C11orf21: variants seen among roughly 807,000 people sequenced by gnomAD.
C11orf21 encodes the protein uncharacterized protein C11orf21.
A neutral mutation model predicts 15.2 loss-of-function variants in C11orf21; 19 were observed. The observed-to-expected ratio is 1.25, with a 90% confidence interval of 0.87 to 1.84. C11orf21 has a LOEUF of 1.84. C11orf21 is among the 40% of genes most tolerant of loss of function. C11orf21 has a pLI of 0.00. For missense variants in C11orf21, 171 were observed against 174.4 expected, an observed-to-expected ratio of 0.98 and a Z score of 0.11; for synonymous variants, 62 against 66.8, an observed-to-expected ratio of 0.93 and a Z score of 0.35.
Position 2,300,835 on chromosome 11 carries a change from C to T in C11orf21, c.54-222G>A, listed in dbSNP as rs1847707086. On this transcript the variant is annotated intron_variant, in intron 1 of 3. Coordinates refer to ENST00000381153, the MANE Select transcript of C11orf21 (RefSeq NM_001329958.2). ...CTGGAGAGGACGGGCTGCCCACTTG[C>T]ACAGCCCGGGGGCCTCCTGCCCCTA... 2.7e-6 allele frequency: 4 copies of T among 1,467,018 alleles called. No homozygotes were observed. The South Asian group carries it at 3.7e-5, about 13-fold the overall frequency. 90.9% of individuals were successfully genotyped at this position (1,467,018 alleles called of 1,614,324 possible). A position where few individuals can be genotyped will look rare whatever the true frequency, so the allele number is the denominator to read the frequency against.
rs1371783329 is a variant in C11orf21, at chr11:2,296,533, C to G, written c.*1417G>C. On this transcript the variant is annotated 3_prime_UTR_variant, in exon 4 of 4. Coordinates refer to ENST00000381153, the MANE Select transcript of C11orf21 (RefSeq NM_001329958.2). The surrounding 1 kb of genome is among the most constrained non-coding windows in gnomAD (Gnocchi z 5.6). ...GATGATCCCCCTTTCCACTAGCCAC[C>G]CCAGCAAATGGCTGCAGGTCCCTGA... is the stretch of plus-strand genomic sequence containing the variant. 6.6e-6 allele frequency: 1 copy of G among 152,258 alleles called. No individual in the cohort carries two copies. The highest frequency in any genetic ancestry group is 2.4e-5 in the African/African-American group (1 of 41,438). 9.4% of individuals were successfully genotyped at this position (152,258 alleles called of 1,614,324 possible). A position where few individuals can be genotyped will look rare whatever the true frequency, so the allele number is the denominator to read the frequency against.
chr11:2,301,680 C>T (rs1564952297), intron 1 of C11orf21, 76 bp downstream of exon 1: 4 of 1,195,094 alleles, frequency 3.3e-6, no homozygotes, highest in East Asian at 2.5e-5. Context: ...CCAAGGAGAC[C>T]CCATCCAAAT....
chr11:2,299,334 T>C, intron 3 of C11orf21, 94 bp downstream of exon 3: 1 of 1,328,012 alleles, frequency 7.5e-7, no homozygotes, highest in East Asian at 2.5e-5. Context: ...GTGACGCAGG[T>C]GGGAAGCTCT....
upstream of C11orf21, chr11:2,302,894 C>T (rs1263801697): frequency 3.1e-6 from 5 of 1,613,600 alleles, no homozygotes; most frequent in East Asian, 8.9e-5. Context: ...ACTTCGGGGC[C>T]CACTTTGCTG....
rs1371885513 is a variant in C11orf21, at chr11:2,299,727, T to G, written c.148-20A>C. 6.5e-7 allele frequency: 1 copy of G among 1,549,194 alleles called. No homozygotes were observed. Among genetic ancestry groups the G allele is most frequent in the Non-Finnish European group, 8.7e-7 (1 of 1,145,694 alleles). On this transcript the variant is annotated intron_variant, in intron 2 of 3. Transcript: ENST00000381153. ...GGCCTCCTGGTGGGTAAGGACATTG[T>G]AGAGTGAGCGGGCGCACCTGGGACC...
At position 2,299,613 on chromosome 11, in the gene C11orf21, T is replaced by C. The variant is rs1335967977; in HGVS notation, c.242A>G (p.His81Arg). 3 of 1,551,052 alleles carry C rather than the reference T, an allele frequency of 1.9e-6. No homozygotes were observed. The highest frequency in any genetic ancestry group is 2.6e-6 in the Non-Finnish European group (3 of 1,146,944). ...PPATAHEPVDHPALHWLACCC... is the reference protein window; with the variant it reads ...PPATAHEPVDRPALHWLACCC... ...GCAGGCAAGCCAGTGCAGAGCTGGGTGATCCACAGGTTCATGAGCGGTGGC... is the reference window on the plus strand; with the variant it reads ...GCAGGCAAGCCAGTGCAGAGCTGGGCGATCCACAGGTTCATGAGCGGTGGC... The change falls in exon 3 of 4, where the codon CAC (histidine) becomes CGC (arginine). Residue 81 changes from histidine (H) to arginine (R), a missense_variant. Physicochemically the swap from His to Arg is conservative, Grantham distance 29. Coordinates refer to ENST00000381153, the MANE Select transcript of C11orf21 (RefSeq NM_001329958.2).
At chr11:2,300,711 T>A in intron 1 of C11orf21, 98 bp from the exon 2 acceptor site, 4 of 1,550,662 alleles carry the variant, frequency 2.6e-6, no homozygotes, top group Non-Finnish European at 3.5e-6. Context: ...CAGAAGCGGG[T>A]GGTGCTCCAG....
upstream of C11orf21, chr11:2,303,033 C>A: frequency 1.5e-6 from 2 of 1,342,928 alleles, no homozygotes; most frequent in East Asian, 2.3e-5. Context: ...CCCAGCTGGA[C>A]GCCTCACAGC....
intron 3 of C11orf21, among the ~76,000 whole-genome samples, chr11:2,298,893 G>GC (rs954320821): frequency 6.6e-6 from 1 of 151,868 alleles, no homozygotes; most frequent in South Asian, 2.1e-4. Context: ...AGGCTCCTTG[G>GC]GGGGGGAAGC....
chr11:2,298,275 G>T (rs4929976), intron 3 of C11orf21, among the ~76,000 whole-genome samples: 1 of 152,136 alleles, frequency 6.6e-6, no homozygotes, highest in Non-Finnish European at 1.5e-5. Flanking sequence ...GGGCCCTGAC[G>T]CTTGAGCATC....
chr11:2,297,637 A>G lies in C11orf21; in HGVS notation c.*313T>C, dbSNP rs2074019. On this transcript the variant is annotated 3_prime_UTR_variant, in exon 4 of 4. Coordinates refer to ENST00000381153, the MANE Select transcript of C11orf21 (RefSeq NM_001329958.2). ...ACATATTTCACACGTTGCTGGGGGC[A>G]GTGTGTGTGACTCACTGCTTCCCAG... 66,268 of 151,722 alleles carry G rather than the reference A, an allele frequency of 0.44. 15,076 individuals carry two copies. The highest frequency in any genetic ancestry group is 0.57 in the African/African-American group (23,344 of 41,274). 9.4% of individuals were successfully genotyped at this position (151,722 alleles called of 1,614,324 possible). A position where few individuals can be genotyped will look rare whatever the true frequency, so the allele number is the denominator to read the frequency against.
At chr11:2,302,844 C>A (rs200210112), upstream of C11orf21, 2 of 1,612,964 alleles carry the variant, frequency 1.2e-6, no homozygotes, top group Non-Finnish European at 1.7e-6. Context: ...CTATCCACAG[C>A]TGCTGGGCCT....
Position 2,301,767 on chromosome 11 carries a change from C to A in C11orf21, c.42G>T (p.Pro14=). 1 of 1,549,252 alleles carries A rather than the reference C, an allele frequency of 6.5e-7. No homozygotes were observed. Among genetic ancestry groups the A allele is most frequent in the Non-Finnish European group, 8.7e-7 (1 of 1,146,674 alleles). Residue 14 remains proline (P), a synonymous_variant, in exon 1 of 4, where the codon CCG becomes CCT. Transcript: ENST00000381153. The part of the protein sequence containing the change: ...TWCGMWRRRR[P]GRRSAVPRWP... ...GACGGGGAGCTCACCTCCTCCTCCC[C>A]GGGCGCCGTCTCCTCCACATCCCAC...
rs1420535207 is a variant in C11orf21, at chr11:2,299,612, G to T, written c.243C>A (p.His81Gln). The T allele has an allele frequency of 6.4e-7, 1 of 1,551,118 alleles. No homozygotes were observed. The highest frequency in any genetic ancestry group is 8.7e-7 in the Non-Finnish European group (1 of 1,147,006). ...PPATAHEPVD[H>Q]PALHWLACCC... The stretch of plus-strand genomic sequence containing the variant: ...AGCAGGCAAGCCAGTGCAGAGCTGG[G>T]TGATCCACAGGTTCATGAGCGGTGG... Residue 81 changes from histidine to glutamine, a missense_variant, in exon 3 of 4, where the codon CAC becomes CAA. Physicochemically the swap from His to Gln is conservative, Grantham distance 24. Transcript: ENST00000381153.
At position 2,297,933 on chromosome 11, in the gene C11orf21, G is replaced by A. The variant is rs1055943094; in HGVS notation, c.*29-12C>T. On this transcript the variant is annotated splice_polypyrimidine_tract_variant and intron_variant, in intron 3 of 3. Coordinates refer to ENST00000381153, the MANE Select transcript of C11orf21 (RefSeq NM_001329958.2). ...TTCATACAGCTGTCCTTCAGTGCAT[G>A]TAAGGAGAGAGAGAGAGAAGAGGGA... 1 of 152,204 alleles carries A rather than the reference G, an allele frequency of 6.6e-6. No homozygotes were observed. The highest frequency in any genetic ancestry group is 1.5e-5 in the Non-Finnish European group (1 of 68,060). The allele number at this position is 152,204 out of a possible 1,614,324, so 9.4% of individuals were successfully genotyped here.
chr11:2,302,926 A>G (rs1367142616), upstream of C11orf21: 8 of 1,613,606 alleles, frequency 5.0e-6, no homozygotes, highest in South Asian at 7.7e-5. Flanking sequence ...GCGTCCCTGG[A>G]GAAGAACCCG....
At chr11:2,301,694 TC>T in intron 1 of C11orf21, 61 bp downstream of exon 1, 1 of 1,377,716 alleles carries the variant, frequency 7.3e-7, no homozygotes. Context: ...TCCAAATTCC[TC>T]CAAGGATTAC....
At chr11:2,300,041 G>T (rs919170937) in intron 2 of C11orf21, among the ~76,000 whole-genome samples, 1 of 143,336 alleles carries the variant, frequency 7.0e-6, no homozygotes, top group South Asian at 2.3e-4. Context: ...GGTCTTCCAG[G>T]CTCCCAGCGG....
chr11:2,296,259 A>G lies in C11orf21; in HGVS notation c.*1691T>C, dbSNP rs1014077645. On this transcript the variant is annotated 3_prime_UTR_variant, in exon 4 of 4. Transcript: ENST00000381153. This position sits in a 1 kb window ranked among gnomAD's most constrained non-coding sequence, Gnocchi z 5.6. ...GCTTCCACCTGGCCTTTCCCAGCAT[A>G]GTAGCCCCCACCCTCAGGTCAGGGA... 1.4e-4 allele frequency: 21 copies of G among 152,144 alleles called. No individual in the cohort carries two copies. Among genetic ancestry groups the G allele is most frequent in the Admixed American group, 1.2e-3 (19 of 15,270 alleles). The allele number at this position is 152,144 out of a possible 1,614,324, so 9.4% of individuals were successfully genotyped here.
Sources: gnomAD v4.1 joint callset for allele counts (sites outside exome capture counted in the v4.1 genomes callset) on GRCh38, gnomAD v4.1.1 for gene constraint, Gnocchi (gnomAD v3.1) non-coding constraint, MANE v1.5 for transcripts, NCBI Gene and HGNC (gene_info 2026-07-23, HGNC 2026-07-21) for gene names.